SLC25A40: variants seen among roughly 807,000 people sequenced by gnomAD.
The protein encoded by SLC25A40 is mitochondrial glutathione transporter SLC25A40.
A neutral mutation model predicts 46.5 loss-of-function variants in SLC25A40; 41 were observed. The ratio of observed to expected loss-of-function variants is 0.88; its 90% confidence interval spans 0.69 to 1.14. SLC25A40 has a LOEUF of 1.14. SLC25A40 is among the 50% of genes most tolerant of loss of function. SLC25A40 has a pLI of 0.00. For missense variants in SLC25A40, 386 were observed against 393.6 expected, an observed-to-expected ratio of 0.98 and a Z score of 0.16; for synonymous variants, 126 against 127.5, an observed-to-expected ratio of 0.99 and a Z score of 0.08.
intron 9 of SLC25A40, 130 bp downstream of exon 9, chr7:87,843,623 GA>G (rs1838368010): frequency 3.4e-6 from 2 of 583,692 alleles, no homozygotes; most frequent in South Asian, 4.6e-5. Context: ...AAAATAGATG[GA>G]AAATACTTAG....
intron 4 of SLC25A40, among the ~76,000 whole-genome samples, chr7:87,854,993 C>G (rs1838585675): frequency 6.6e-6 from 1 of 151,318 alleles, no homozygotes; most frequent in Non-Finnish European, 1.5e-5. Context: ...GCCTCCATCT[C>G]TACAAAAAAA....
intron 9 of SLC25A40, among the ~76,000 whole-genome samples, chr7:87,842,521 C>T (rs1838351789): frequency 6.6e-6 from 1 of 152,018 alleles, no homozygotes; most frequent in African/African-American, 2.4e-5. Context: ...TTCACCCCAA[C>T]AATTTGTTGA....
At position 87,834,709 on chromosome 7, in the gene SLC25A40, C is replaced by T. The variant is rs1272245973; in HGVS notation, c.*1540G>A. 1 of 151,508 alleles carries T rather than the reference C, an allele frequency of 6.6e-6. No individual in the cohort carries two copies. Among genetic ancestry groups the T allele is most frequent in the African/African-American group, 2.4e-5 (1 of 41,342 alleles). The allele number at this position is 151,508 out of a possible 1,614,324, so 9.4% of individuals were successfully genotyped here. ...ATTTAAATTTAATATTGTTAAAGAGCACTGTTCAAGATAAACTTTCATGTA... is the reference window on the plus strand; with the variant it reads ...ATTTAAATTTAATATTGTTAAAGAGTACTGTTCAAGATAAACTTTCATGTA... On this transcript the variant is annotated 3_prime_UTR_variant, in exon 12 of 12. Coordinates refer to ENST00000341119, the MANE Select transcript of SLC25A40 (RefSeq NM_018843.4).
intron 1 of SLC25A40, among the ~76,000 whole-genome samples, chr7:87,866,644 C>T (rs998544301): frequency 6.6e-6 from 1 of 152,166 alleles, no homozygotes; most frequent in African/African-American, 2.4e-5. Context: ...AGAGCATAAC[C>T]GCTCAGCGGC....
chr7:87,852,954 C>T (rs540212495), intron 5 of SLC25A40, among the ~76,000 whole-genome samples: 4 of 151,964 alleles, frequency 2.6e-5, no homozygotes, highest in African/African-American at 9.7e-5. Flanking sequence ...AGCCTTGATA[C>T]CAAAAGCATG....
At chr7:87,858,493 T>C in intron 3 of SLC25A40, 138 bp downstream of exon 3, 1 of 606,336 alleles carries the variant, frequency 1.6e-6, no homozygotes, top group Non-Finnish European at 2.9e-6. Context: ...AATTCCTCTC[T>C]TTGTACTCTT....
At chr7:87,861,832 C>T (rs111237007) in intron 1 of SLC25A40, among the ~76,000 whole-genome samples, 248 of 152,018 alleles carry the variant, frequency 1.6e-3, no homozygotes, top group South Asian at 3.1e-3. Context: ...ATATTTCTAG[C>T]CATCAGAATG....
At chr7:87,868,038 G>A (rs1391442734) in intron 1 of SLC25A40, among the ~76,000 whole-genome samples, 3 of 152,222 alleles carry the variant, frequency 2.0e-5, no homozygotes, top group East Asian at 1.9e-4. Context: ...CAAGGTCAGG[G>A]ATGGTGGTAC....
chr7:87,841,437 T>C (rs931429768), intron 10 of SLC25A40, among the ~76,000 whole-genome samples, 196 bp downstream of exon 10: 1 of 151,752 alleles, frequency 6.6e-6, no homozygotes, highest in Non-Finnish European at 1.5e-5. Flanking sequence ...CATTAGACTT[T>C]ACATTTTCTT....
At chr7:87,846,154 A>T (rs1403033379) in intron 8 of SLC25A40, among the ~76,000 whole-genome samples, 1 of 152,194 alleles carries the variant, frequency 6.6e-6, no homozygotes, top group Non-Finnish European at 1.5e-5. Context: ...ATTTTCAAAA[A>T]TAGGTTAAAC....
In SLC25A40 at chr7:87,834,653, A is replaced by G. The variant is rs903884978; in HGVS notation, c.*1596T>C. Reference sequence around the variant, plus strand: ...ACAGTATTTTTTCTGTTTTCTATGAATTACCCATAAGCATAGCAAAACCAA... The same window carrying G: ...ACAGTATTTTTTCTGTTTTCTATGAGTTACCCATAAGCATAGCAAAACCAA... On this transcript the variant is annotated 3_prime_UTR_variant, in exon 12 of 12. Transcript: ENST00000341119. 2.0e-5 allele frequency: 3 copies of G among 151,690 alleles called. No individual in the cohort carries two copies. Among genetic ancestry groups the G allele is most frequent in the Admixed American group, 2.0e-4 (3 of 15,172 alleles). 9.4% of individuals were successfully genotyped at this position (151,690 alleles called of 1,614,324 possible). A position where few individuals can be genotyped will look rare whatever the true frequency, so the allele number is the denominator to read the frequency against.
intron 1 of SLC25A40, among the ~76,000 whole-genome samples, chr7:87,872,526 G>A (rs1838910195): frequency 6.6e-6 from 1 of 152,170 alleles, no homozygotes; most frequent in African/African-American, 2.4e-5. Context: ...CACCCACCAT[G>A]ACTGAAAGGC....
chr7:87,875,565 A>G (rs1554323004), intron 1 of SLC25A40, among the ~76,000 whole-genome samples: 2 of 147,510 alleles, frequency 1.4e-5, no homozygotes, highest in African/African-American at 5.0e-5. Context: ...TTTTTTTTGG[A>G]GAGGCATGTT....
chr7:87,851,332 C>A (rs1165151051), intron 5 of SLC25A40, among the ~76,000 whole-genome samples: 1 of 152,266 alleles, frequency 6.6e-6, no homozygotes, highest in East Asian at 1.9e-4. Context: ...CAAAGGACTG[C>A]ATATTTTCCC....
intron 1 of SLC25A40, among the ~76,000 whole-genome samples, chr7:87,867,892 T>A (rs1370415527): frequency 6.6e-6 from 1 of 152,240 alleles, no homozygotes; most frequent in African/African-American, 2.4e-5. Flanking sequence ...ACAGAGAATG[T>A]ATCACAGCAG....
chr7:87,858,305 G>A (rs761635970), intron 3 of SLC25A40, among the ~76,000 whole-genome samples: 6 of 152,190 alleles, frequency 3.9e-5, no homozygotes, highest in African/African-American at 9.7e-5. Context: ...TTCCTCAGAA[G>A]CATGTGATTT....
chr7:87,842,069 T>C, intron 9 of SLC25A40: 1 of 357,048 alleles, frequency 2.8e-6, no homozygotes. Flanking sequence ...ATACAACACA[T>C]ATGTCAAAGC....
chr7:87,860,898 C>G (rs1838687034), intron 1 of SLC25A40, among the ~76,000 whole-genome samples: 1 of 152,098 alleles, frequency 6.6e-6, no homozygotes, highest in Non-Finnish European at 1.5e-5. Flanking sequence ...GACTCTAGAG[C>G]CCAAACACAG....
chr7:87,852,026 G>A (rs914178598), intron 5 of SLC25A40, among the ~76,000 whole-genome samples: 1 of 152,140 alleles, frequency 6.6e-6, no homozygotes, highest in Admixed American at 6.5e-5. Flanking sequence ...AAAACTGACA[G>A]AGTGAAATTA....
Sources: allele counts gnomAD v4.1 joint callset (sites outside exome capture counted in the v4.1 genomes callset), GRCh38; gene constraint gnomAD v4.1.1; transcripts MANE v1.5; gene names NCBI Gene and HGNC (gene_info 2026-07-23, HGNC 2026-07-21).